The following THSD7B variants were observed in gnomAD, a reference collection of about 807,000 sequenced individuals.
THSD7B encodes thrombospondin type-1 domain-containing protein 7B.
In THSD7B, 138 loss-of-function variants were observed where a neutral mutation model predicts 213.6. The ratio of observed to expected loss-of-function variants is 0.65; its 90% confidence interval spans 0.56 to 0.74. The LOEUF (loss-of-function observed/expected upper bound fraction) is 0.74. Ranked by LOEUF, THSD7B falls within the 30% of genes least tolerant of loss-of-function variation. The pLI is 0.00. For missense variants in THSD7B, 1,931 were observed against 1,991.5 expected, an observed-to-expected ratio of 0.97 and a Z score of 0.58; for synonymous variants, 742 against 687.0, an observed-to-expected ratio of 1.08 and a Z score of -1.25.
rs1228700970 is a variant in THSD7B, at chr2:137,242,480, A to G, written c.2174A>G (p.Glu725Gly). 6.2e-7 allele frequency: 1 copy of G among 1,613,794 alleles called. No homozygotes were observed. Among genetic ancestry groups the G allele is most frequent in the Non-Finnish European group, 8.5e-7 (1 of 1,179,812 alleles). The change falls in exon 10 of 28, where the codon GAA becomes GGA. Residue 725 changes from glutamate to glycine, a missense_variant. Transcript: ENST00000409968. ...TKRCPDSTRP[E>G]TVRPCFLPCK... is the part of the protein sequence containing the mutation. ...AGATGTCCAGATTCTACTCGACCTG[A>G]AACTGTGCGCCCCTGTTTTCTCCCA... is the stretch of plus-strand genomic sequence containing the variant.
At chr2:136,819,248 T>C (rs1242704348) in intron 1 of THSD7B, among the ~76,000 whole-genome samples, 1 of 152,222 alleles carries the variant, frequency 6.6e-6, no homozygotes, top group Admixed American at 6.5e-5. Flanking sequence ...AGACAAAGTA[T>C]AATTATGTAA....
intron 1 of THSD7B, among the ~76,000 whole-genome samples, chr2:136,860,232 C>T (rs562678753): frequency 1.3e-5 from 2 of 151,952 alleles, no homozygotes; most frequent in South Asian, 2.1e-4. Flanking sequence ...AAGGAGACAG[C>T]GATGCGAGTA....
intron 7 of THSD7B, among the ~76,000 whole-genome samples, chr2:137,217,842 G>A (rs1374602075): frequency 6.6e-6 from 1 of 152,100 alleles, no homozygotes; most frequent in Non-Finnish European, 1.5e-5. Flanking sequence ...TTTGGCCAAG[G>A]AGGTGATATA....
intron 9 of THSD7B, among the ~76,000 whole-genome samples, chr2:137,241,979 T>G (rs1170813030): frequency 6.6e-6 from 1 of 152,150 alleles, no homozygotes; most frequent in African/African-American, 2.4e-5. Context: ...ATTCTGTTAA[T>G]GATCAAAGAT....
intron 5 of THSD7B, among the ~76,000 whole-genome samples, chr2:137,145,862 C>T (rs1322591647): frequency 1.3e-5 from 2 of 152,052 alleles, no homozygotes; most frequent in African/African-American, 4.8e-5. Flanking sequence ...CAGATACATC[C>T]ATGCTGTTTT....
chr2:136,882,335 G>T lies in THSD7B; in HGVS notation c.139+18G>T. 1 of 1,508,622 alleles carries T rather than the reference G, an allele frequency of 6.6e-7. No individual in the cohort carries two copies. The highest frequency in any genetic ancestry group is 8.9e-7 in the Non-Finnish European group (1 of 1,129,074). 93.5% of individuals were successfully genotyped at this position (1,508,622 alleles called of 1,614,324 possible). ...GAAACCAGGTAGGAATGTCCTGGCT[G>T]TTCCTTTGTCCTATTTTCATTAACA... On this transcript the variant is annotated intron_variant, in intron 2 of 27. Transcript: ENST00000409968.
intron 21 of THSD7B, among the ~76,000 whole-genome samples, chr2:137,654,959 C>T (rs1002330392): frequency 3.0e-4 from 46 of 152,226 alleles, no homozygotes; most frequent in African/African-American, 1.1e-3. Context: ...CCTAGAATAT[C>T]TAAGTGAGAT....
chr2:137,545,278 C>T (rs1466523412), intron 15 of THSD7B, among the ~76,000 whole-genome samples: 1 of 151,766 alleles, frequency 6.6e-6, no homozygotes, highest in Non-Finnish European at 1.5e-5. Context: ...TGCTGTACAT[C>T]TCTTGAAAAT....
intron 15 of THSD7B, among the ~76,000 whole-genome samples, chr2:137,495,558 A>G (rs1347887820): frequency 6.6e-6 from 1 of 152,104 alleles, no homozygotes; most frequent in Non-Finnish European, 1.5e-5. Flanking sequence ...TTATCTTGGG[A>G]GGGACTCTAG....
At chr2:137,319,861 A>T (rs1272953854) in intron 12 of THSD7B, among the ~76,000 whole-genome samples, 1 of 152,052 alleles carries the variant, frequency 6.6e-6, no homozygotes, top group Non-Finnish European at 1.5e-5. Flanking sequence ...ATAAGCATAG[A>T]ATATTGGGTA....
chr2:137,312,938 A>G (rs1374010842), intron 12 of THSD7B, among the ~76,000 whole-genome samples: 9 of 149,830 alleles, frequency 6.0e-5, no homozygotes, highest in East Asian at 2.0e-4. Context: ...TATGTGGTCA[A>G]TTTTGGAATA....
At chr2:137,306,909 A>G (rs1180798515) in intron 12 of THSD7B, among the ~76,000 whole-genome samples, 2 of 152,194 alleles carry the variant, frequency 1.3e-5, no homozygotes, top group African/African-American at 4.8e-5. Flanking sequence ...TAAATAGAAC[A>G]TAACAATATT....
rs543556959 is a variant in THSD7B at position 137,523,089 on chromosome 2, A to G, written c.3139-40132A>G. Among the ~76,000 whole-genome samples, 12 of 152,312 alleles carry G rather than the reference A, an allele frequency of 7.9e-5. 1 individual carries two copies. The highest frequency in any genetic ancestry group is 7.2e-4 in the Admixed American group (11 of 15,298). On this transcript the variant is annotated intron_variant, in intron 15 of 27. Coordinates refer to ENST00000409968, the MANE Select transcript of THSD7B (RefSeq NM_001316349.2). The stretch of plus-strand genomic sequence containing the variant: ...GGAGTCATGTACTTTTCTTAGACCA[A>G]TGTGATGGTATAAATATTATTTCAT...
chr2:136,939,022 C>T (rs544973372), intron 2 of THSD7B, among the ~76,000 whole-genome samples: 4 of 152,264 alleles, frequency 2.6e-5, no homozygotes, highest in South Asian at 2.1e-4. Context: ...CTTTGCTGTT[C>T]GTTGAGTCCC....
chr2:136,893,654 T>G (rs891119915), intron 2 of THSD7B, among the ~76,000 whole-genome samples: 1 of 152,170 alleles, frequency 6.6e-6, no homozygotes, highest in Non-Finnish European at 1.5e-5. Flanking sequence ...CCACAGTCAA[T>G]TTTTATTGGA....
chr2:137,654,671 G>A (rs1683202393), intron 21 of THSD7B, among the ~76,000 whole-genome samples: 1 of 152,090 alleles, frequency 6.6e-6, no homozygotes, highest in Admixed American at 6.5e-5. Context: ...ACTTCTCTGT[G>A]GCACCAGGAA....
intron 2 of THSD7B, among the ~76,000 whole-genome samples, chr2:136,941,205 A>G (rs540890307): frequency 4.1e-4 from 62 of 152,286 alleles, no homozygotes; most frequent in Middle Eastern, 3.4e-3. Flanking sequence ...TTATGGCTGC[A>G]TAGTATTCCA....
At chr2:136,856,083 A>C (rs527590848) in intron 1 of THSD7B, among the ~76,000 whole-genome samples, 2 of 152,182 alleles carry the variant, frequency 1.3e-5, no homozygotes, top group African/African-American at 4.8e-5. Context: ...TATCACTTTC[A>C]GGAATAATTT....
chr2:136,811,135 C>A (rs889876776), intron 1 of THSD7B, among the ~76,000 whole-genome samples: 6 of 152,142 alleles, frequency 3.9e-5, no homozygotes, highest in Non-Finnish European at 8.8e-5. Context: ...AGGAATGGGC[C>A]CTCTAGTGTC....
Sources: gnomAD v4.1 joint callset for allele counts (sites outside exome capture counted in the v4.1 genomes callset) on GRCh38, gnomAD v4.1.1 for gene constraint, MANE v1.5 for transcripts, NCBI Gene and HGNC (gene_info 2026-07-23, HGNC 2026-07-21) for gene names.